KCNQ5: variants seen among roughly 807,000 people sequenced by gnomAD.
KCNQ5 encodes potassium voltage-gated channel subfamily Q member 5, also known as potassium voltage-gated channel subfamily KQT member 5.
Under a neutral mutation model 98.2 loss-of-function variants are expected in KCNQ5, and 30 were observed. That is an observed-to-expected ratio of 0.31 (90% CI 0.23 to 0.41). The LOEUF (loss-of-function observed/expected upper bound fraction) is 0.41, where lower values mean the gene tolerates loss of function less well. Ranked by LOEUF, KCNQ5 falls within the 10% of genes least tolerant of loss-of-function variation. The pLI, the probability that KCNQ5 is intolerant of heterozygous loss-of-function variation, is 1.00. For synonymous variants in KCNQ5, 458 were observed against 449.4 expected (o/e 1.02, Z -0.24); for missense variants, 835 against 1,182.5 (o/e 0.71, Z 4.31).
intron 1 of KCNQ5, among the ~76,000 whole-genome samples, chr6:72,628,804 G>A (rs1347194174): frequency 1.3e-5 from 2 of 151,998 alleles, no homozygotes; most frequent in Non-Finnish European, 2.9e-5. Flanking sequence ...GTAGAGATGG[G>A]GTTTCGCTAT....
chr6:72,775,658 G>A (rs562734548), intron 1 of KCNQ5, among the ~76,000 whole-genome samples: 2 of 152,252 alleles, frequency 1.3e-5, no homozygotes, highest in East Asian at 1.9e-4. Context: ...TCACTCATAA[G>A]TCATTTGACA....
intron 1 of KCNQ5, among the ~76,000 whole-genome samples, chr6:72,849,898 G>T (rs988686320): frequency 6.6e-6 from 1 of 152,006 alleles, no homozygotes; most frequent in African/African-American, 2.4e-5. Flanking sequence ...TCACCAACTT[G>T]TTGGAATTTA....
intron 1 of KCNQ5, among the ~76,000 whole-genome samples, chr6:72,941,672 CTT>C (rs1766313237): frequency 0.019 from 1 of 52 alleles, no homozygotes; most frequent in Non-Finnish European, 0.038. Flanking sequence ...CCATCTCTTT[CTT>C]TCTTTCTTTC....
chr6:72,704,068 C>T (rs1390683492), intron 1 of KCNQ5, among the ~76,000 whole-genome samples: 1 of 152,080 alleles, frequency 6.6e-6, no homozygotes, highest in Non-Finnish European at 1.5e-5. Context: ...CTGCATTTAA[C>T]GTAGGTGTTA....
chr6:73,130,987 C>T (rs12198615), intron 9 of KCNQ5, among the ~76,000 whole-genome samples: 22 of 152,074 alleles, frequency 1.4e-4, no homozygotes, highest in Non-Finnish European at 3.2e-4. Flanking sequence ...TAGCAAATAT[C>T]CATGTAGTTG....
intron 1 of KCNQ5, among the ~76,000 whole-genome samples, chr6:72,763,839 G>A (rs941417289): frequency 4.0e-5 from 6 of 151,886 alleles, no homozygotes; most frequent in African/African-American, 9.7e-5. Context: ...AGGACTTCTC[G>A]GGGAGAAAAA....
chr6:72,800,522 CTTT>C (rs1479350656), intron 1 of KCNQ5, among the ~76,000 whole-genome samples: 1 of 152,030 alleles, frequency 6.6e-6, no homozygotes. Flanking sequence ...CTCTTTTCTT[CTTT>C]ATTAGTCTTG....
In KCNQ5 at chr6:72,685,314, C is replaced by T. The variant is rs548327626; in HGVS notation, c.398+62727C>T. Among the ~76,000 whole-genome samples, 12 of 152,296 alleles carry T rather than the reference C, an allele frequency of 7.9e-5. No homozygotes were observed. The South Asian group carries it at 2.3e-3, about 29-fold the overall frequency. ...GAGTAAATCCCTCAGTCAAGAGAAA[C>T]ATATTGTTTTGAATTGAAGCTCAGT... On this transcript the variant is annotated intron_variant, in intron 1 of 13. Transcript: ENST00000370398.
intron 1 of KCNQ5, among the ~76,000 whole-genome samples, chr6:72,880,177 T>A (rs933216659): frequency 1.3e-5 from 2 of 152,210 alleles, no homozygotes; most frequent in Non-Finnish European, 1.5e-5. Context: ...AAATATTGTG[T>A]CTTCATCTTT....
intron 12 of KCNQ5, among the ~76,000 whole-genome samples, chr6:73,192,231 T>A (rs41265511): frequency 0.031 from 4,696 of 152,330 alleles, 94 homozygotes; most frequent in East Asian, 0.069. Flanking sequence ...ATGTAAGATC[T>A]CTATAGTTAT....
intron 10 of KCNQ5, among the ~76,000 whole-genome samples, chr6:73,161,198 G>T (rs1251258497): frequency 5.9e-5 from 9 of 152,200 alleles, no homozygotes; most frequent in Non-Finnish European, 1.0e-4. Flanking sequence ...TAAGTGAAAT[G>T]GGCCAGGCAC....
At chr6:72,834,974 A>C (rs546468224) in intron 1 of KCNQ5, among the ~76,000 whole-genome samples, 23 of 152,244 alleles carry the variant, frequency 1.5e-4, no homozygotes, top group Non-Finnish European at 2.5e-4. Flanking sequence ...AAATTGTATA[A>C]ATTTATAAAG....
intron 3 of KCNQ5, among the ~76,000 whole-genome samples, chr6:73,063,765 ATAATAG>A (rs1260660003): frequency 7.3e-6 from 1 of 136,862 alleles, no homozygotes; most frequent in Non-Finnish European, 1.6e-5. Context: ...ATAGATAGAT[ATAATAG>A]ATCTACACAT....
chr6:73,195,180 AG>A lies in KCNQ5; in HGVS notation c.2567del (p.Gly856AlafsTer16). 6.2e-7 allele frequency: 1 copy of A among 1,614,198 alleles called. No individual in the cohort carries two copies. The highest frequency in any genetic ancestry group is 8.5e-7 in the Non-Finnish European group (1 of 1,180,040). ...CAGGGAGTGAGTCAAGTGGCTCCAG[AG>A]GCAGCCAAGATTTTTACCCCAAATG... The part of the protein sequence containing the change: ...LSGSESSGSR[G>X]SQDFYPKWRE... On this transcript the variant is annotated frameshift_variant, in exon 14 of 14. Coordinates refer to ENST00000370398, the MANE Select transcript of KCNQ5 (RefSeq NM_019842.4). LOFTEE classifies it high-confidence loss of function.
intron 5 of KCNQ5, among the ~76,000 whole-genome samples, chr6:73,104,235 T>C (rs1311556385): frequency 6.6e-6 from 1 of 152,034 alleles, no homozygotes; most frequent in Non-Finnish European, 1.5e-5. Flanking sequence ...CTGCTAGAAC[T>C]AATAAATTCA....
chr6:73,028,010 A>T (rs1770966941), intron 2 of KCNQ5, among the ~76,000 whole-genome samples: 1 of 152,220 alleles, frequency 6.6e-6, no homozygotes, highest in African/African-American at 2.4e-5. Flanking sequence ...GTGACTCTAG[A>T]TACTCTTTAT....
chr6:72,927,628 A>G (rs750653896), intron 1 of KCNQ5, among the ~76,000 whole-genome samples: 5 of 152,068 alleles, frequency 3.3e-5, no homozygotes, highest in Non-Finnish European at 7.4e-5. Flanking sequence ...CTGTTGGAAA[A>G]TAAACTATTT....
chr6:72,762,041 G>T (rs1390715148), intron 1 of KCNQ5, among the ~76,000 whole-genome samples: 1 of 152,028 alleles, frequency 6.6e-6, no homozygotes, highest in African/African-American at 2.4e-5. Context: ...GCTAGAGCTG[G>T]GTTAGGGGTA....
chr6:72,834,708 A>G (rs558417252), intron 1 of KCNQ5, among the ~76,000 whole-genome samples: 1 of 152,268 alleles, frequency 6.6e-6, no homozygotes, highest in South Asian at 2.1e-4. Context: ...TAGAATTCTT[A>G]TACTCCTTAG....
Sources: gnomAD v4.1 joint callset for allele counts (sites outside exome capture counted in the v4.1 genomes callset) on GRCh38, gnomAD v4.1.1 for gene constraint, MANE v1.5 for transcripts, NCBI Gene and HGNC (gene_info 2026-07-23, HGNC 2026-07-21) for gene names.